The following FZR1 variants were observed in gnomAD, a reference collection of about 807,000 sequenced individuals.
FZR1 encodes the protein fizzy-related protein homolog.
Under a neutral mutation model 63.6 loss-of-function variants are expected in FZR1, and 11 were observed. The ratio of observed to expected loss-of-function variants is 0.17; its 90% CI spans 0.11 to 0.29. The LOEUF (loss-of-function observed/expected upper bound fraction) is 0.29. FZR1 is among the 10% of genes least tolerant of loss of function. The probability of loss-of-function intolerance (pLI) is 1.00; values close to 1 mark genes in which losing one functional copy is unlikely to be tolerated. For missense variants in FZR1, 440 were observed against 687.5 expected (o/e 0.64, Z 4.03); for synonymous variants, 328 against 297.9 (o/e 1.10, Z -1.04).
intron 7 of FZR1, among the ~76,000 whole-genome samples, chr19:3,530,493 C>T (rs927921474): frequency 3.6e-5 from 5 of 138,578 alleles, no homozygotes; most frequent in South Asian, 2.3e-4. Flanking sequence ...CATGGGTGAG[C>T]GGATGCAAGA....
rs1322114065 is a variant in FZR1, at chr19:3,533,478, T to G, written c.1347+80T>G. 3 of 846,222 alleles carry G rather than the reference T, an allele frequency of 3.5e-6. No homozygotes were observed. Among genetic ancestry groups the G allele is most frequent in the Non-Finnish European group, 6.0e-6 (3 of 499,002 alleles). The allele number at this position is 846,222 out of a possible 1,614,324, so 52.4% of individuals were successfully genotyped here. ...GGCCACCCCAGAGCACCCTGTCCTG[T>G]GTTCTTAGGGAGGATGGTGTGCAGA... On this transcript the variant is annotated intron_variant, in intron 12 of 13. Transcript: ENST00000441788. This position sits in a 1 kb window ranked among gnomAD's most constrained non-coding sequence, Gnocchi z 4.9.
chr19:3,531,837 G>C, intron 9 of FZR1, 21 bp downstream of exon 9: 1 of 1,550,374 alleles, frequency 6.5e-7, no homozygotes, highest in East Asian at 2.4e-5. Flanking sequence ...CGGGTCCCAT[G>C]GCTGGTGAGC....
intron 7 of FZR1, 136 bp downstream of exon 7, chr19:3,527,950 G>GCCTCCCAGCCACAGC (rs1018441556): frequency 6.7e-6 from 4 of 592,754 alleles, no homozygotes; most frequent in East Asian, 3.4e-5. Context: ...GGGCCTCCCA[G>GCCTCCCAGCCACAGC]CCTCCCAGCC....
Position 3,507,576 on chromosome 19 carries a change from C to G in FZR1, c.-35+1102C>G, listed in dbSNP as rs76513980. On this transcript the variant is annotated intron_variant, in intron 1 of 13. Transcript: ENST00000441788. ...ACCGGGCGATGACCTCATGCCTCTC[C>G]GTGGTGAGGCCCCCACCCCAACCTA... 5.5e-4 allele frequency among the ~76,000 whole-genome samples: 84 copies of G among 152,252 alleles called. 2 individuals carry two copies. In the East Asian group the frequency reaches 0.011, roughly 20 times the overall value.
intron 7 of FZR1, among the ~76,000 whole-genome samples, chr19:3,530,477 AGAGCGCATGGGT>A (rs1257005618): frequency 9.5e-6 from 1 of 104,862 alleles, no homozygotes; most frequent in African/African-American, 3.8e-5. Context: ...AGCGCATGGG[AGAGCGCATGGGT>A]GAGCGGATGC....
At chr19:3,518,283 CTGTT>C (rs1197134175) in intron 1 of FZR1, among the ~76,000 whole-genome samples, 1 of 152,138 alleles carries the variant, frequency 6.6e-6, no homozygotes, top group African/African-American at 2.4e-5. Flanking sequence ...CACAGTGCCT[CTGTT>C]TGTATTTTTT....
intron 1 of FZR1, among the ~76,000 whole-genome samples, chr19:3,519,010 T>C (rs1331581332): frequency 1.3e-5 from 2 of 152,208 alleles, no homozygotes; most frequent in East Asian, 3.8e-4. Context: ...GAGGGCTCTG[T>C]TCATGTGTGT....
chr19:3,517,923 C>T (rs568537433), intron 1 of FZR1, among the ~76,000 whole-genome samples: 11 of 149,574 alleles, frequency 7.4e-5, no homozygotes, highest in East Asian at 2.0e-4. Context: ...TGCAGTGGTG[C>T]GATCTCAGCT....
intron 10 of FZR1, 70 bp from the exon 11 acceptor site, chr19:3,532,347 C>T (rs1284715225): frequency 7.8e-7 from 1 of 1,277,424 alleles, no homozygotes; most frequent in Non-Finnish European, 1.1e-6. Flanking sequence ...CAGGTCGTCA[C>T]ACCTGTGAGG....
rs1466794517 is a variant in FZR1 at position 3,535,114 on chromosome 19, G to A, written c.*278G>A. ...AACCACATTGGACGGTCCCGGCTCA[G>A]ACCGTCTGTACTCAGAGCGACGGAT... On this transcript the variant is annotated 3_prime_UTR_variant, in exon 14 of 14. Coordinates refer to ENST00000441788, the MANE Select transcript of FZR1 (RefSeq NM_016263.4). 9.6e-6 allele frequency: 5 copies of A among 520,274 alleles called. No homozygotes were observed. Among genetic ancestry groups the A allele is most frequent in the Middle Eastern group, 1.1e-3 (2 of 1,842 alleles). The allele number at this position is 520,274 out of a possible 1,614,324, so 32.2% of individuals were successfully genotyped here.
intron 1 of FZR1, among the ~76,000 whole-genome samples, chr19:3,510,500 C>T (rs1041034163): frequency 6.6e-6 from 1 of 152,234 alleles, no homozygotes; most frequent in Non-Finnish European, 1.5e-5. Context: ...ACATTCCCTT[C>T]TGTTGTGAAT....
chr19:3,527,048 C>T lies in FZR1; in HGVS notation c.456C>T (p.Pro152=), dbSNP rs149430392. The T allele has an allele frequency of 1.9e-5, 30 of 1,610,808 alleles. No individual in the cohort carries two copies. Among genetic ancestry groups the T allele is most frequent in the South Asian group, 6.6e-5 (6 of 91,034 alleles). ...ATGTGTCTCCCTACTCCCTGTCTCCCGTCAGCAACAAGAGGTGGGTCCCAG... is the reference window on the plus strand; with the variant it reads ...ATGTGTCTCCCTACTCCCTGTCTCCTGTCAGCAACAAGAGGTGGGTCCCAG... ...GNDVSPYSLS[P]VSNKSQKLLR... The change falls in exon 6 of 14, where the codon CCC becomes CCT. Residue 152 remains proline (P), a synonymous_variant. Transcript: ENST00000441788.
chr19:3,518,378 C>T (rs1489627629), intron 1 of FZR1, among the ~76,000 whole-genome samples: 4 of 152,148 alleles, frequency 2.6e-5, no homozygotes, highest in Non-Finnish European at 4.4e-5. Context: ...AGTTCTTTAA[C>T]GAGTAAGATT....
chr19:3,513,598 G>A (rs769968970), intron 1 of FZR1, among the ~76,000 whole-genome samples: 1 of 152,208 alleles, frequency 6.6e-6, no homozygotes, highest in African/African-American at 2.4e-5. Context: ...GCTTCCAGCT[G>A]TGCCAGCTGG....
At position 3,527,013 on chromosome 19, in the gene FZR1, G is replaced by C; in HGVS notation, c.421G>C (p.Asp141His). The C allele has an allele frequency of 6.2e-7, 1 of 1,612,734 alleles. No homozygotes were observed. The highest frequency in any genetic ancestry group is 8.5e-7 in the Non-Finnish European group (1 of 1,179,818). Residue 141 changes from aspartate (D) to histidine (H), a missense_variant, in exon 6 of 14, where the codon GAC becomes CAC. Physicochemically the swap from Asp to His is moderately conservative, Grantham distance 81. Transcript: ENST00000441788. Reference sequence around the variant, plus strand: ...TAGCACCAAGCGCTCCAGCCCCGATGACGGCAACGATGTGTCTCCCTACTC... The same window carrying C: ...TAGCACCAAGCGCTCCAGCCCCGATCACGGCAACGATGTGTCTCCCTACTC... ...SLSTKRSSPD[D>H]GNDVSPYSLS...
At position 3,506,382 on chromosome 19, in the gene FZR1, G is replaced by T. The variant is rs899685788; in HGVS notation, c.-127G>T. ...TCCCGTCAGCGGCGGCCGCGGCCGG[G>T]CCTGCGGGAGCTGCGGAGGCCGGAG... On this transcript the variant is annotated 5_prime_UTR_variant, in exon 1 of 14. Transcript: ENST00000441788. The T allele has an allele frequency of 6.6e-6, 1 of 151,412 alleles. No individual in the cohort carries two copies. Among genetic ancestry groups the T allele is most frequent in the South Asian group, 2.1e-4 (1 of 4,826 alleles). 9.4% of individuals were successfully genotyped at this position (151,412 alleles called of 1,614,324 possible). A position where few individuals can be genotyped will look rare whatever the true frequency, so the allele number is the denominator to read the frequency against.
In FZR1 at chr19:3,526,112, G is replaced by A. The variant is rs1465253842; in HGVS notation, c.196-8G>A. On this transcript the variant is annotated splice_polypyrimidine_tract_variant and splice_region_variant and intron_variant, in intron 3 of 13. Transcript: ENST00000441788. This position sits in a 1 kb window ranked among gnomAD's most constrained non-coding sequence, Gnocchi z 5.4. ...TCGACCCCTCCCTCTCTGCTCTCCT[G>A]CCTGCAGGAGAATGAGAAGTCTCCC... The A allele has an allele frequency of 6.2e-7, 1 of 1,612,812 alleles. No homozygotes were observed. The highest frequency in any genetic ancestry group is 1.3e-5 in the African/African-American group (1 of 75,046).
rs148631584 is a variant in FZR1, at chr19:3,511,545, A to G, written c.-35+5071A>G. 5.1e-3 allele frequency among the ~76,000 whole-genome samples: 783 copies of G among 152,258 alleles called. 11 individuals carry two copies. Among genetic ancestry groups the G allele is most frequent in the African/African-American group, 0.018 (752 of 41,538 alleles). On this transcript the variant is annotated intron_variant, in intron 1 of 13. Transcript: ENST00000441788. ...TAGGGAGACCCTGACCCCCATCTCT[A>G]TATTTTAAAAACAAGAAGAGAAAAA...
Position 3,522,846 on chromosome 19 carries a change from G to A in FZR1, c.-34-110G>A, listed in dbSNP as rs992479863. On this transcript the variant is annotated intron_variant, in intron 1 of 13. Coordinates refer to ENST00000441788, the MANE Select transcript of FZR1 (RefSeq NM_016263.4). ...CAGAAGATCCCCACAGAGGAGCCAG[G>A]AGGACCCCACAGTCACTCTAGCTCC... 8.4e-5 allele frequency: 58 copies of A among 687,472 alleles called. No homozygotes were observed. In the Middle Eastern group the frequency reaches 1.9e-3, roughly 23 times the overall value. 42.6% of individuals were successfully genotyped at this position (687,472 alleles called of 1,614,324 possible). A position where few individuals can be genotyped will look rare whatever the true frequency, so the allele number is the denominator to read the frequency against.
Sources: allele counts gnomAD v4.1 joint callset (sites outside exome capture counted in the v4.1 genomes callset), GRCh38; gene constraint gnomAD v4.1.1; non-coding constraint Gnocchi (gnomAD v3.1); transcripts MANE v1.5; gene names NCBI Gene and HGNC (gene_info 2026-07-23, HGNC 2026-07-21).